GPR55: variants seen among roughly 807,000 people sequenced by gnomAD.
GPR55 encodes the protein G protein-coupled receptor 55.
Under a neutral mutation model 7.9 loss-of-function variants are expected in GPR55, and 6 were observed. That is an observed-to-expected ratio of 0.76 (90% confidence interval 0.41 to 1.49). GPR55 has a LOEUF of 1.49. Among genes scored for constraint, GPR55 ranks in the 40% most tolerant of loss-of-function variants. The probability of loss-of-function intolerance (pLI) is 0.01; values close to 1 mark genes in which losing one functional copy is unlikely to be tolerated. For synonymous variants in GPR55, 183 were observed against 166.8 expected, an observed-to-expected ratio of 1.10 and a Z score of -0.75; for missense variants, 376 against 406.0, an observed-to-expected ratio of 0.93 and a Z score of 0.63.
rs531782067 is a variant in GPR55 at position 230,909,905 on chromosome 2, G to A, written c.*98C>T. On this transcript the variant is annotated 3_prime_UTR_variant, in exon 2 of 2. Transcript: ENST00000650999. ...CAAAGGGAAGCACATCAGTGAAGAT[G>A]GTGCGGATCATCCCACCACATCAAA... The A allele has an allele frequency of 1.7e-6, 2 of 1,170,510 alleles. No individual in the cohort carries two copies. Among genetic ancestry groups the A allele is most frequent in the African/African-American group, 1.5e-5 (1 of 65,034 alleles). The allele number at this position is 1,170,510 out of a possible 1,614,324, so 72.5% of individuals were successfully genotyped here.
At chr2:230,918,265 C>T (rs1204795133) in intron 1 of GPR55, among the ~76,000 whole-genome samples, 1 of 152,134 alleles carries the variant, frequency 6.6e-6, no homozygotes, top group African/African-American at 2.4e-5. Context: ...AGAAAGAAGA[C>T]ATTAAGCTGA....
At position 230,911,034 on chromosome 2, in the gene GPR55, T is replaced by C. The variant is rs1690582033; in HGVS notation, c.-72A>G. The stretch of plus-strand genomic sequence containing the variant: ...TCTTGAAGTGATGGATTCAAATGAC[T>C]TTGTCAAGAATCACAAACACCTCCC... On this transcript the variant is annotated 5_prime_UTR_variant, in exon 2 of 2. Transcript: ENST00000650999. 1 of 1,477,914 alleles carries C rather than the reference T, an allele frequency of 6.8e-7. No homozygotes were observed. Among genetic ancestry groups the C allele is most frequent in the Non-Finnish European group, 9.1e-7 (1 of 1,093,648 alleles). 91.6% of individuals were successfully genotyped at this position (1,477,914 alleles called of 1,614,324 possible). A position where few individuals can be genotyped will look rare whatever the true frequency, so the allele number is the denominator to read the frequency against.
At chr2:230,951,756 GTTTT>G (rs869195749) in intron 1 of GPR55, among the ~76,000 whole-genome samples, 1 of 47,542 alleles carries the variant, frequency 2.1e-5, no homozygotes, top group Non-Finnish European at 3.8e-5. Context: ...TGTTATTGGG[GTTTT>G]TTTTTTTTTT....
At chr2:230,948,381 CA>C (rs1295272589) in intron 1 of GPR55, among the ~76,000 whole-genome samples, 2 of 152,132 alleles carry the variant, frequency 1.3e-5, no homozygotes, top group East Asian at 3.9e-4. Flanking sequence ...CCTGGGGAAG[CA>C]AGACAGATTC....
chr2:230,955,761 C>T (rs1691473536), intron 1 of GPR55, among the ~76,000 whole-genome samples: 1 of 152,204 alleles, frequency 6.6e-6, no homozygotes, highest in South Asian at 2.1e-4. Flanking sequence ...CATTCCATTG[C>T]CCAGGCTGGA....
chr2:230,949,245 C>G (rs1401165573), intron 1 of GPR55, among the ~76,000 whole-genome samples: 3 of 152,120 alleles, frequency 2.0e-5, no homozygotes, highest in Non-Finnish European at 4.4e-5. Flanking sequence ...CTCACTGCAA[C>G]GTCTGTCTCC....
intron 1 of GPR55, among the ~76,000 whole-genome samples, chr2:230,949,091 A>G (rs989016925): frequency 6.6e-6 from 1 of 152,180 alleles, no homozygotes; most frequent in Non-Finnish European, 1.5e-5. Flanking sequence ...TAATAAATAT[A>G]AAATATAGTC....
intron 1 of GPR55, among the ~76,000 whole-genome samples, chr2:230,948,964 G>A (rs1276059285): frequency 6.6e-6 from 1 of 152,150 alleles, no homozygotes; most frequent in Non-Finnish European, 1.5e-5. Context: ...AACTCCTCGG[G>A]AGGCTGAGGT....
intron 1 of GPR55, among the ~76,000 whole-genome samples, chr2:230,946,765 G>A (rs1691324486): frequency 6.6e-6 from 1 of 152,208 alleles, no homozygotes; most frequent in South Asian, 2.1e-4. Flanking sequence ...TTCCACTCTG[G>A]CAGAGCTGGA....
intron 1 of GPR55, among the ~76,000 whole-genome samples, chr2:230,914,591 G>A (rs773396738): frequency 1.4e-5 from 2 of 144,208 alleles, no homozygotes; most frequent in Admixed American, 1.4e-4. Context: ...GGCAGCAAGA[G>A]ATGAAACAGT....
chr2:230,918,923 A>G (rs146196853), intron 1 of GPR55, among the ~76,000 whole-genome samples: 1,552 of 152,282 alleles, frequency 0.01, 25 homozygotes, highest in African/African-American at 0.036. Context: ...AATAGTAGGG[A>G]CATTCTTGTT....
At position 230,910,322 on chromosome 2, in the gene GPR55, T is replaced by A; in HGVS notation, c.641A>T (p.His214Leu). 1 of 1,613,686 alleles carries A rather than the reference T, an allele frequency of 6.2e-7. No homozygotes were observed. The highest frequency in any genetic ancestry group is 8.5e-7 in the Non-Finnish European group (1 of 1,179,772). ...SIHILLGRRD[H>L]TQDWVQQKAC... ...TTTCTGCTGCACCCAGTCCTGGGTGTGGTCTCGGCGGCCCAGCAGGATGTG... is the reference window on the plus strand; with the variant it reads ...TTTCTGCTGCACCCAGTCCTGGGTGAGGTCTCGGCGGCCCAGCAGGATGTG... Residue 214 changes from histidine (H) to leucine (L), a missense_variant, in exon 2 of 2, where the codon CAC becomes CTC. Physicochemically the swap from His to Leu is moderately conservative, Grantham distance 99 (BLOSUM62 -3). Transcript: ENST00000650999. The surrounding 1 kb of genome is among the most constrained non-coding windows in gnomAD (Gnocchi z 5.4).
intron 1 of GPR55, among the ~76,000 whole-genome samples, chr2:230,954,722 G>T (rs77637139): frequency 0.051 from 7,804 of 151,898 alleles, 570 homozygotes; most frequent in East Asian, 0.4. Flanking sequence ...TATTCTTTCT[G>T]TTTTTTTGTA....
chr2:230,957,698 T>G (rs1253012228), intron 1 of GPR55: 3 of 548,054 alleles, frequency 5.5e-6, no homozygotes, highest in Non-Finnish European at 1.1e-5. Flanking sequence ...TTCAATATTG[T>G]ATGGTTCATT....
chr2:230,950,715 G>A (rs61480167), intron 1 of GPR55, among the ~76,000 whole-genome samples: 1,743 of 152,184 alleles, frequency 0.011, 29 homozygotes, highest in African/African-American at 0.039. Flanking sequence ...TTACAGTCTC[G>A]TGTTATGACA....
chr2:230,910,424 T>C lies in GPR55; in HGVS notation c.539A>G (p.Lys180Arg), dbSNP rs771714040. The part of the protein sequence containing the change: ...HNMSDDTWSA[K>R]VFFPLEVFGF... ...AAACACCTCCAGCGGGAAGAAGACC[T>C]TGGCGCTCCAGGTATCATCAGACAT... Residue 180 changes from lysine to arginine, a missense_variant, in exon 2 of 2, where the codon AAG becomes AGG. Transcript: ENST00000650999. The surrounding 1 kb of genome is among the most constrained non-coding windows in gnomAD (Gnocchi z 5.4). 4.3e-6 allele frequency: 7 copies of C among 1,613,870 alleles called. No homozygotes were observed. The highest frequency in any genetic ancestry group is 2.7e-5 in the African/African-American group (2 of 74,884).
intron 1 of GPR55, among the ~76,000 whole-genome samples, chr2:230,952,061 C>T (rs533540615): frequency 1.2e-4 from 19 of 152,114 alleles, no homozygotes; most frequent in African/African-American, 4.1e-4. Context: ...CCACCACATC[C>T]AGCAAGAGAA....
intron 1 of GPR55, among the ~76,000 whole-genome samples, chr2:230,938,107 A>T (rs750829570): frequency 7.1e-6 from 1 of 140,014 alleles, no homozygotes; most frequent in Non-Finnish European, 1.5e-5. Context: ...TGATCGCACC[A>T]CTGTACTCCA....
Position 230,924,859 on chromosome 2 carries a change from G to A in GPR55, c.-135+309C>T, listed in dbSNP as rs1690915728. Among the ~76,000 whole-genome samples, 1 of 152,138 alleles carries A rather than the reference G, an allele frequency of 6.6e-6. No individual in the cohort carries two copies. The highest frequency in any genetic ancestry group is 6.5e-5 in the Admixed American group (1 of 15,272). ...AAGGCTCCCAGGCTGCCTATGGGGA[G>A]GTTTCCCGACCCGACATGATGCTGC... On this transcript the variant is annotated intron_variant, in intron 1 of 1. Transcript: ENST00000650999. The surrounding 1 kb of genome is among the most constrained non-coding windows in gnomAD (Gnocchi z 4.5).
Sources: gnomAD v4.1 joint callset for allele counts (sites outside exome capture counted in the v4.1 genomes callset) on GRCh38, gnomAD v4.1.1 for gene constraint, Gnocchi (gnomAD v3.1) non-coding constraint, MANE v1.5 for transcripts, NCBI Gene and HGNC (gene_info 2026-07-23, HGNC 2026-07-21) for gene names.